The following LRMDA variants were observed in gnomAD, a reference collection of about 807,000 sequenced individuals.
LRMDA encodes leucine rich melanocyte differentiation associated.
In LRMDA, 18 loss-of-function variants were observed where a neutral mutation model predicts 29.8. That is an observed-to-expected ratio of 0.60 (90% CI 0.42 to 0.90). LRMDA has a LOEUF of 0.90. Ranked by LOEUF, LRMDA falls within the 40% of genes least tolerant of loss-of-function variation. The probability of loss-of-function intolerance (pLI) is 0.00; values close to 1 mark genes in which losing one functional copy is unlikely to be tolerated. For missense variants in LRMDA, 273 were observed against 273.9 expected, an observed-to-expected ratio of 1.00 and a Z score of 0.02; for synonymous variants, 125 against 109.4, an observed-to-expected ratio of 1.14 and a Z score of -0.89.
intron 5 of LRMDA, among the ~76,000 whole-genome samples, chr10:76,240,375 C>T (rs546147215): frequency 3.4e-5 from 5 of 147,212 alleles, no homozygotes; most frequent in South Asian, 2.1e-4. Flanking sequence ...ACCTTACTCC[C>T]GCAAGAAGGG....
intron 5 of LRMDA, among the ~76,000 whole-genome samples, chr10:76,078,741 C>G (rs936639808): frequency 1.3e-5 from 2 of 152,148 alleles, no homozygotes; most frequent in Non-Finnish European, 2.9e-5. Flanking sequence ...GAGGCTGAGG[C>G]AGGAGAATGG....
chr10:75,734,475 A>C (rs1842737088), intron 2 of LRMDA, among the ~76,000 whole-genome samples: 1 of 152,106 alleles, frequency 6.6e-6, no homozygotes, highest in Non-Finnish European at 1.5e-5. Context: ...CTCGGTCCCT[A>C]CTGTTTAGAC....
At chr10:76,340,514 T>C (rs1377694387) in intron 6 of LRMDA, among the ~76,000 whole-genome samples, 2 of 5,282 alleles carry the variant, frequency 3.8e-4, no homozygotes, top group Admixed American at 1.6e-3. Flanking sequence ...AGAACCTGTA[T>C]CAAAAAAAAA....
intron 2 of LRMDA, among the ~76,000 whole-genome samples, chr10:75,928,905 G>A (rs1846163741): frequency 1.3e-5 from 2 of 152,178 alleles, no homozygotes; most frequent in African/African-American, 4.8e-5. Flanking sequence ...TCAGACAGGT[G>A]CAACACTGCC....
At chr10:75,650,102 G>A (rs1391125870) in intron 2 of LRMDA, among the ~76,000 whole-genome samples, 5 of 152,164 alleles carry the variant, frequency 3.3e-5, no homozygotes, top group Admixed American at 6.5e-5. Context: ...GTCCTTTGAT[G>A]TGCAAGATTT....
intron 6 of LRMDA, among the ~76,000 whole-genome samples, chr10:76,345,293 C>T (rs913470919): frequency 2.0e-5 from 3 of 149,626 alleles, no homozygotes; most frequent in Non-Finnish European, 3.0e-5. Flanking sequence ...AGGATGGTCT[C>T]GATCTCCTGA....
intron 2 of LRMDA, among the ~76,000 whole-genome samples, chr10:75,997,021 C>T (rs533185958): frequency 6.6e-4 from 100 of 152,198 alleles, no homozygotes; most frequent in African/African-American, 2.3e-3. Context: ...CATGAGCCAC[C>T]GTGCCTGGCC....
chr10:76,543,429 C>G (rs990995136), intron 6 of LRMDA, among the ~76,000 whole-genome samples: 1 of 151,624 alleles, frequency 6.6e-6, no homozygotes, highest in Non-Finnish European at 1.5e-5. Flanking sequence ...CTCTCCCTGG[C>G]CTTATATGAC....
At chr10:76,521,352 T>C (rs527758150) in intron 6 of LRMDA, among the ~76,000 whole-genome samples, 8 of 152,310 alleles carry the variant, frequency 5.3e-5, no homozygotes, top group South Asian at 2.1e-4. Context: ...ACCAGGATAG[T>C]CTCAATCTCC....
chr10:75,590,020 AT>A (rs35499338), intron 2 of LRMDA, among the ~76,000 whole-genome samples: 86,445 of 136,788 alleles, frequency 0.63, 29,874 homozygotes, highest in East Asian at 0.83. Context: ...GAAGATGATG[AT>A]TTTTTTTTTT....
intron 2 of LRMDA, among the ~76,000 whole-genome samples, chr10:75,593,796 C>T (rs1163661822): frequency 2.0e-5 from 3 of 151,952 alleles, no homozygotes; most frequent in Non-Finnish European, 4.4e-5. Flanking sequence ...GCTCTCCCGC[C>T]TTGCCCCTTG....
chr10:76,483,309 T>C (rs1336449439), intron 6 of LRMDA, among the ~76,000 whole-genome samples: 2 of 151,960 alleles, frequency 1.3e-5, no homozygotes, highest in African/African-American at 4.8e-5. Context: ...ACTCATTTGA[T>C]GGTAGTATAC....
At position 75,438,260 on chromosome 10, in the gene LRMDA, A is replaced by C. The variant is rs1844284461; in HGVS notation, c.31-134A>C. On this transcript the variant is annotated intron_variant, in intron 1 of 6. Coordinates refer to ENST00000611255, the MANE Select transcript of LRMDA (RefSeq NM_001305581.2). ...CTGATTTGATCAGGGAAACAGTCACAAGTGTGGCCTTTTTGTGTGTGAGAA... is the reference window on the plus strand; with the variant it reads ...CTGATTTGATCAGGGAAACAGTCACCAGTGTGGCCTTTTTGTGTGTGAGAA... 3 of 718,348 alleles carry C rather than the reference A, an allele frequency of 4.2e-6. No homozygotes were observed. The Admixed American group carries it at 6.8e-5, about 16-fold the overall frequency. The allele number at this position is 718,348 out of a possible 1,614,324, so 44.5% of individuals were successfully genotyped here.
chr10:76,358,465 A>C (rs1218111735), intron 6 of LRMDA, among the ~76,000 whole-genome samples: 3 of 152,214 alleles, frequency 2.0e-5, no homozygotes, highest in Non-Finnish European at 4.4e-5. Context: ...CCAAACACTG[A>C]CTTCAGAAAG....
At chr10:76,266,181 G>C (rs1840004545) in intron 5 of LRMDA, among the ~76,000 whole-genome samples, 1 of 152,070 alleles carries the variant, frequency 6.6e-6, no homozygotes, top group South Asian at 2.1e-4. Flanking sequence ...AAAATGCTTG[G>C]CATATAATAA....
At chr10:76,366,944 TAA>T (rs1484109036) in intron 6 of LRMDA, among the ~76,000 whole-genome samples, 1 of 152,250 alleles carries the variant, frequency 6.6e-6, no homozygotes, top group African/African-American at 2.4e-5. Context: ...CCCATTTTGC[TAA>T]GAGTTTTAAT....
intron 2 of LRMDA, among the ~76,000 whole-genome samples, chr10:75,915,881 C>A (rs1365185262): frequency 2.0e-5 from 3 of 152,094 alleles, no homozygotes; most frequent in Non-Finnish European, 4.4e-5. Context: ...GGCCACCGTT[C>A]CTGTGGACTG....
In LRMDA at chr10:76,085,038, G is replaced by C. The variant is rs79514279; in HGVS notation, c.516+26255G>C. Among the ~76,000 whole-genome samples the C allele has an allele frequency of 7.0e-3, 1,066 of 152,276 alleles. 15 individuals carry two copies. Among genetic ancestry groups the C allele is most frequent in the African/African-American group, 0.024 (1,013 of 41,554 alleles). On this transcript the variant is annotated intron_variant, in intron 5 of 6. Transcript: ENST00000611255. ...AGAGATGCGGGATGGGATTCAGAGGGCCTGGGGTGCCACTGGGATTTTTGC... is the reference window on the plus strand; with the variant it reads ...AGAGATGCGGGATGGGATTCAGAGGCCCTGGGGTGCCACTGGGATTTTTGC...
intron 2 of LRMDA, among the ~76,000 whole-genome samples, chr10:75,889,559 A>G (rs1206766494): frequency 6.6e-6 from 1 of 152,150 alleles, no homozygotes; most frequent in Non-Finnish European, 1.5e-5. Context: ...ATGCTTAAAG[A>G]TGGAGGTAAC....
Sources: gnomAD v4.1 joint callset for allele counts (sites outside exome capture counted in the v4.1 genomes callset) on GRCh38, gnomAD v4.1.1 for gene constraint, MANE v1.5 for transcripts, NCBI Gene and HGNC (gene_info 2026-07-23, HGNC 2026-07-21) for gene names.